The following ERBB4 variants were observed in gnomAD, a reference collection of about 807,000 sequenced individuals.
ERBB4 encodes receptor tyrosine-protein kinase erbB-4.
A neutral mutation model predicts 158.0 loss-of-function variants in ERBB4; 42 were observed. The observed-to-expected ratio is 0.27, with a 90% CI of 0.21 to 0.34. The LOEUF (loss-of-function observed/expected upper bound fraction) is 0.34, where lower values mean the gene tolerates loss of function less well. ERBB4 is among the 10% of genes least tolerant of loss of function. The probability of loss-of-function intolerance (pLI) is 1.00; values close to 1 mark genes in which losing one functional copy is unlikely to be tolerated. For missense variants in ERBB4, 1,333 were observed against 1,624.1 expected, an observed-to-expected ratio of 0.82 and a Z score of 3.08; for synonymous variants, 583 against 558.7, an observed-to-expected ratio of 1.04 and a Z score of -0.61.
intron 3 of ERBB4, among the ~76,000 whole-genome samples, chr2:211,890,568 A>G (rs2078936099): frequency 6.7e-6 from 1 of 149,478 alleles, no homozygotes. Flanking sequence ...TTAACTTTAA[A>G]TGTAAATGGA....
chr2:211,399,920 C>CTTA (rs2062998145), intron 25 of ERBB4, among the ~76,000 whole-genome samples: 1 of 152,118 alleles, frequency 6.6e-6, no homozygotes. Context: ...GTACATATCA[C>CTTA]CTAACTGCAT....
chr2:212,004,013 T>G (rs769733142), intron 2 of ERBB4, among the ~76,000 whole-genome samples: 1 of 152,228 alleles, frequency 6.6e-6, no homozygotes, highest in African/African-American at 2.4e-5. Flanking sequence ...ACTTGAATAA[T>G]GTTAATTATT....
At chr2:211,947,661 C>A (rs2125139010) in intron 2 of ERBB4, 45 bp from the exon 3 acceptor site, 1 of 1,532,934 alleles carries the variant, frequency 6.5e-7, no homozygotes, top group South Asian at 1.1e-5. Flanking sequence ...ACGAATTTGT[C>A]ACTCTGTATA....
At chr2:211,518,368 C>G (rs958527717) in intron 20 of ERBB4, among the ~76,000 whole-genome samples, 37 of 141,098 alleles carry the variant, frequency 2.6e-4, no homozygotes, top group Non-Finnish European at 4.4e-4. Flanking sequence ...TGGAAACACA[C>G]TAGGTCAAGG....
chr2:212,270,502 A>G (rs1187980807), intron 1 of ERBB4, among the ~76,000 whole-genome samples: 3 of 151,608 alleles, frequency 2.0e-5, no homozygotes, highest in East Asian at 3.9e-4. Context: ...ATTGTTGGTA[A>G]TTCTTTGATA....
chr2:212,448,751 A>G (rs1351486361), intron 1 of ERBB4, among the ~76,000 whole-genome samples: 2 of 152,232 alleles, frequency 1.3e-5, no homozygotes, highest in Admixed American at 1.3e-4. Context: ...GTTACTAAAA[A>G]AAACTTACAT....
intron 2 of ERBB4, among the ~76,000 whole-genome samples, chr2:212,112,705 A>C (rs542725284): frequency 3.1e-4 from 47 of 152,308 alleles, no homozygotes; most frequent in African/African-American, 1.0e-3. Flanking sequence ...ATAGGGTTGT[A>C]ATAAGGAGTG....
chr2:212,320,441 G>C (rs2087512428), intron 1 of ERBB4, among the ~76,000 whole-genome samples: 1 of 146,250 alleles, frequency 6.8e-6, no homozygotes, highest in South Asian at 2.2e-4. Flanking sequence ...CCATAGGCAA[G>C]AGAAAAGTGA....
intron 19 of ERBB4, among the ~76,000 whole-genome samples, chr2:211,568,088 A>AT (rs2067605039): frequency 6.6e-6 from 1 of 151,398 alleles, no homozygotes; most frequent in African/African-American, 2.4e-5. Context: ...GACATTATCT[A>AT]TTTTTCCAGA....
intron 2 of ERBB4, among the ~76,000 whole-genome samples, chr2:212,064,704 T>G (rs1575588256): frequency 1.3e-5 from 2 of 152,022 alleles, no homozygotes; most frequent in Non-Finnish European, 2.9e-5. Context: ...AAGAACACTG[T>G]AGGTAAACTG....
chr2:212,535,895 G>C (rs1050586586), intron 1 of ERBB4, among the ~76,000 whole-genome samples: 4 of 152,090 alleles, frequency 2.6e-5, no homozygotes, highest in East Asian at 1.9e-4. Flanking sequence ...TGTTCACATA[G>C]AGCAGTAAAT....
intron 19 of ERBB4, among the ~76,000 whole-genome samples, chr2:211,587,066 T>C (rs891316881): frequency 4.7e-4 from 71 of 152,100 alleles, no homozygotes; most frequent in African/African-American, 1.6e-3. Flanking sequence ...AGGAACCATC[T>C]GTAGGTCATT....
At chr2:212,297,596 G>A (rs1574626547) in intron 1 of ERBB4, among the ~76,000 whole-genome samples, 1 of 151,846 alleles carries the variant, frequency 6.6e-6, no homozygotes, top group East Asian at 1.9e-4. Context: ...GACACAGAAA[G>A]ACTTGAAAGA....
At chr2:212,369,991 G>A (rs538128519) in intron 1 of ERBB4, among the ~76,000 whole-genome samples, 142 of 152,226 alleles carry the variant, frequency 9.3e-4, no homozygotes, top group African/African-American at 3.2e-3. Context: ...AGAAATTAAA[G>A]GGAGATATAG....
intron 20 of ERBB4, among the ~76,000 whole-genome samples, chr2:211,441,486 C>T (rs2063975060): frequency 6.6e-6 from 1 of 152,066 alleles, no homozygotes; most frequent in African/African-American, 2.4e-5. Context: ...TCTAAGAAGC[C>T]TTTTGCAGAT....
At chr2:212,445,225 C>T (rs1025186281) in intron 1 of ERBB4, among the ~76,000 whole-genome samples, 6 of 151,938 alleles carry the variant, frequency 3.9e-5, no homozygotes, top group Non-Finnish European at 7.4e-5. Context: ...TCCAGAACGC[C>T]GTGTATGATC....
At chr2:211,481,525 CT>C (rs397974472) in intron 20 of ERBB4, among the ~76,000 whole-genome samples, 627 of 139,096 alleles carry the variant, frequency 4.5e-3, no homozygotes, top group Middle Eastern at 0.011. Context: ...GGCTGGAAAT[CT>C]TTTTTTTTTT....
chr2:212,122,389 A>G (rs2079784627), intron 2 of ERBB4, among the ~76,000 whole-genome samples: 1 of 152,010 alleles, frequency 6.6e-6, no homozygotes, highest in Non-Finnish European at 1.5e-5. Flanking sequence ...AGATATGTGG[A>G]ACAAAAAATA....
chr2:211,508,326 A>T (rs191883104), intron 20 of ERBB4, among the ~76,000 whole-genome samples: 1 of 152,318 alleles, frequency 6.6e-6, no homozygotes, highest in African/African-American at 2.4e-5. Flanking sequence ...GGATATGAAC[A>T]GACATTTCTC....
Sources: allele counts gnomAD v4.1 joint callset (sites outside exome capture counted in the v4.1 genomes callset), GRCh38; gene constraint gnomAD v4.1.1; transcripts MANE v1.5; gene names NCBI Gene and HGNC (gene_info 2026-07-23, HGNC 2026-07-21).